NDC80: variants seen among roughly 807,000 people sequenced by gnomAD.
NDC80 encodes kinetochore protein NDC80 homolog.
In NDC80, 69 loss-of-function variants were observed where a neutral mutation model predicts 89.3. The ratio of observed to expected loss-of-function variants is 0.77; its 90% confidence interval spans 0.64 to 0.94. The LOEUF is 0.94. Ranked by LOEUF, NDC80 falls within the 40% of genes least tolerant of loss-of-function variation. NDC80 has a pLI of 0.00. For missense variants in NDC80, 593 were observed against 739.6 expected, an observed-to-expected ratio of 0.80 and a Z score of 2.30; for synonymous variants, 243 against 255.6, an observed-to-expected ratio of 0.95 and a Z score of 0.47.
intron 15 of NDC80, 58 bp downstream of exon 15, chr18:2,608,888 C>A: frequency 6.5e-7 from 1 of 1,527,008 alleles, no homozygotes; most frequent in Non-Finnish European, 8.9e-7. Flanking sequence ...TTTAACAGTT[C>A]CATAAAATTA....
intron 1 of NDC80, 24 bp from the exon 2 acceptor site, chr18:2,572,953 T>A (rs534491153): frequency 3.8e-5 from 61 of 1,591,916 alleles, no homozygotes; most frequent in Non-Finnish European, 4.7e-5. Context: ...AAGTTTTTTT[T>A]AAATACTGAA....
At chr18:2,593,738 G>A (rs1189895456) in intron 10 of NDC80, 5 of 231,358 alleles carry the variant, frequency 2.2e-5, no homozygotes, top group Non-Finnish European at 3.5e-5. Flanking sequence ...TCATATACCA[G>A]TATATCCTGG....
In NDC80 at chr18:2,616,431, C is replaced by T. The variant is rs1332927293; in HGVS notation, c.1792-6C>T. 9 of 1,462,598 alleles carry T rather than the reference C, an allele frequency of 6.2e-6. No individual in the cohort carries two copies. Among genetic ancestry groups the T allele is most frequent in the Non-Finnish European group, 7.3e-6 (8 of 1,090,810 alleles). 90.6% of individuals were successfully genotyped at this position (1,462,598 alleles called of 1,614,324 possible). A position where few individuals can be genotyped will look rare whatever the true frequency, so the allele number is the denominator to read the frequency against. On this transcript the variant is annotated splice_region_variant and splice_polypyrimidine_tract_variant and intron_variant, in intron 16 of 16. Coordinates refer to ENST00000261597, the MANE Select transcript of NDC80 (RefSeq NM_006101.3). ...TACTTTAACAATTGTTAATTCTCTT[C>T]ACTAGAAACATCTTGAGGAGCAGAT...
chr18:2,596,742 C>T (rs2072658639), intron 11 of NDC80, among the ~76,000 whole-genome samples: 1 of 152,076 alleles, frequency 6.6e-6, no homozygotes, highest in Admixed American at 6.6e-5. Context: ...TTTATTGCGG[C>T]ACTATTCACA....
In NDC80 at chr18:2,601,398, A is replaced by G. The variant is rs747544000; in HGVS notation, c.1377A>G (p.Val459=). The G allele has an allele frequency of 4.1e-5, 59 of 1,456,790 alleles. No homozygotes were observed. Among genetic ancestry groups the G allele is most frequent in the Non-Finnish European group, 5.3e-5 (57 of 1,069,954 alleles). The allele number at this position is 1,456,790 out of a possible 1,614,324, so 90.2% of individuals were successfully genotyped here. The part of the protein sequence containing the change: ...CLVKYRAQVY[V]PLKELLNETE... Reference sequence around the variant, plus strand: ...CCACATTCCTATGTATTTTATAGGTACCTCTTAAGGAACTCCTGAATGAAA... The same window carrying G: ...CCACATTCCTATGTATTTTATAGGTGCCTCTTAAGGAACTCCTGAATGAAA... Residue 459 remains valine, a splice_region_variant and synonymous_variant, in exon 13 of 17, where the codon GTA becomes GTG. Transcript: ENST00000261597.
At position 2,592,358 on chromosome 18, in the gene NDC80, G is replaced by GTT. The variant is rs568473370; in HGVS notation, c.1015+2208_1015+2209dup. ...TTTTATTTTGTTTTTGTTTTATTTT[G>GTT]TTTTTTTTTTTTTGAGAGACAGAGT... is the stretch of plus-strand genomic sequence containing the variant. On this transcript the variant is annotated intron_variant, in intron 10 of 16. Transcript: ENST00000261597. Among the ~76,000 whole-genome samples the GTT allele has an allele frequency of 8.1e-3, 1,142 of 140,630 alleles. 22 individuals carry two copies. The highest frequency in any genetic ancestry group is 0.029 in the Admixed American group (405 of 14,160). 92.3% of individuals were successfully genotyped at this position (140,630 alleles called of 152,430 possible).
intron 15 of NDC80, among the ~76,000 whole-genome samples, chr18:2,609,300 T>C (rs563610941): frequency 1.3e-5 from 2 of 152,300 alleles, no homozygotes; most frequent in African/African-American, 4.8e-5. Context: ...ATAGTTACCA[T>C]GCTGTGCAAA....
At chr18:2,587,191 A>G (rs1478751975) in intron 7 of NDC80, among the ~76,000 whole-genome samples, 1 of 152,236 alleles carries the variant, frequency 6.6e-6, no homozygotes, top group Non-Finnish European at 1.5e-5. Flanking sequence ...TAAGGTATGG[A>G]AAATTCTGAT....
Position 2,598,939 on chromosome 18 carries a change from T to A in NDC80, c.1222-80T>A, listed in dbSNP as rs574386480. 4.3e-4 allele frequency: 594 copies of A among 1,371,074 alleles called. 4 individuals are homozygous for A. In the South Asian group the frequency reaches 5.5e-3, roughly 13 times the overall value. The allele number at this position is 1,371,074 out of a possible 1,614,324, so 84.9% of individuals were successfully genotyped here. ...AAAAATAGGTGTGATATGTTTTGTA[T>A]AAAATTTTAGAAATGTCAATTGAAA... On this transcript the variant is annotated intron_variant, in intron 11 of 16. Transcript: ENST00000261597.
In NDC80 at chr18:2,610,783, G is replaced by T. The variant is rs138857521; in HGVS notation, c.1713G>T (p.Thr571=). 1 of 1,590,768 alleles carries T rather than the reference G, an allele frequency of 6.3e-7. No individual in the cohort carries two copies. Among genetic ancestry groups the T allele is most frequent in the South Asian group, 1.1e-5 (1 of 88,140 alleles). ...GATACCAACTAGTTGTGCAAACCAC[G>T]ACTGAAGAAAGACGAAAAGTGGGAA... The part of the protein sequence containing the change: ...QREYQLVVQT[T]TEERRKVGNN... The change falls in exon 16 of 17, where the codon ACG becomes ACT. Residue 571 remains threonine (T), a synonymous_variant. Transcript: ENST00000261597.
At chr18:2,605,802 A>G (rs1301433168) in intron 13 of NDC80, among the ~76,000 whole-genome samples, 2 of 152,244 alleles carry the variant, frequency 1.3e-5, no homozygotes, top group African/African-American at 2.4e-5. Context: ...TAGCTGAAGA[A>G]CATTCTCTAT....
intron 15 of NDC80, 95 bp from the exon 16 acceptor site, chr18:2,610,664 G>T: frequency 1.5e-6 from 1 of 648,582 alleles, no homozygotes; most frequent in Non-Finnish European, 2.6e-6. Flanking sequence ...ATCACAGTTT[G>T]GTTTTTTTGA....
chr18:2,589,238 A>G lies in NDC80; in HGVS notation c.798A>G (p.Glu266=). Residue 266 remains glutamate (E), a synonymous_variant, in exon 9 of 17, where the codon GAA becomes GAG. Transcript: ENST00000261597. Reference sequence around the variant, plus strand: ...TTAATGTGGATGCTTTTAAGCTGGAATCATTAGAAGCAAAAAACAGAGCAT... The same window carrying G: ...TTAATGTGGATGCTTTTAAGCTGGAGTCATTAGAAGCAAAAAACAGAGCAT... The part of the protein sequence containing the change: ...DLFNVDAFKL[E]SLEAKNRALN... The G allele has an allele frequency of 1.2e-6, 2 of 1,613,680 alleles. No homozygotes were observed. Among genetic ancestry groups the G allele is most frequent in the Non-Finnish European group, 1.7e-6 (2 of 1,179,614 alleles).
intron 7 of NDC80, among the ~76,000 whole-genome samples, chr18:2,587,623 A>C (rs1452418256): frequency 6.6e-6 from 1 of 152,150 alleles, no homozygotes; most frequent in Non-Finnish European, 1.5e-5. Context: ...TTTTATCCTC[A>C]TTATTCATAT....
chr18:2,611,382 T>C (rs2072743668), intron 16 of NDC80, among the ~76,000 whole-genome samples: 1 of 152,208 alleles, frequency 6.6e-6, no homozygotes, highest in Non-Finnish European at 1.5e-5. Flanking sequence ...TCTATTGTAT[T>C]TGCATAAACA....
chr18:2,608,889 C>T (rs2072728704), intron 15 of NDC80, 59 bp downstream of exon 15: 2 of 1,526,740 alleles, frequency 1.3e-6, no homozygotes. Context: ...TTAACAGTTC[C>T]ATAAAATTAG....
intron 11 of NDC80, among the ~76,000 whole-genome samples, chr18:2,597,391 C>T (rs2072662426): frequency 6.6e-6 from 1 of 152,088 alleles, no homozygotes; most frequent in South Asian, 2.1e-4. Flanking sequence ...AGGTGAAAAT[C>T]TGTGGCAGCA....
chr18:2,591,471 G>A (rs1020414227), intron 10 of NDC80, among the ~76,000 whole-genome samples: 2 of 151,908 alleles, frequency 1.3e-5, no homozygotes, highest in Non-Finnish European at 2.9e-5. Context: ...CATGGGAGTT[G>A]TATACATGGC....
intron 10 of NDC80, among the ~76,000 whole-genome samples, chr18:2,593,049 TGTGTGTC>T (rs1271733983): frequency 1.8e-4 from 22 of 120,842 alleles, no homozygotes; most frequent in African/African-American, 4.7e-4. Flanking sequence ...TGTGTGTGTG[TGTGTGTC>T]TTTTTTTTTT....
Sources: allele counts gnomAD v4.1 joint callset (sites outside exome capture counted in the v4.1 genomes callset), GRCh38; gene constraint gnomAD v4.1.1; transcripts MANE v1.5; gene names NCBI Gene and HGNC (gene_info 2026-07-23, HGNC 2026-07-21).